TBL3: variants seen among roughly 807,000 people sequenced by gnomAD.
TBL3 encodes the protein transducin beta-like protein 3.
TBL3 carries 71 observed loss-of-function variants against 102.7 expected under a neutral mutation model. The ratio of observed to expected loss-of-function variants is 0.69; its 90% CI spans 0.57 to 0.84. TBL3 has a LOEUF of 0.84. Among genes scored for constraint, TBL3 ranks in the 40% least tolerant of loss-of-function variants. The pLI, the probability that TBL3 is intolerant of heterozygous loss-of-function variation, is 0.00. For missense variants in TBL3, 1,188 were observed against 1,098.5 expected, an observed-to-expected ratio of 1.08 and a Z score of -1.15; for synonymous variants, 578 against 477.7, an observed-to-expected ratio of 1.21 and a Z score of -2.74.
At position 1,978,916 on chromosome 16, in the gene TBL3, G is replaced by A. The variant is rs1390746339; in HGVS notation, c.*231G>A. 2 of 1,109,028 alleles carry A rather than the reference G, an allele frequency of 1.8e-6. No homozygotes were observed. The highest frequency in any genetic ancestry group is 2.5e-6 in the Non-Finnish European group (2 of 785,994). The allele number at this position is 1,109,028 out of a possible 1,614,324, so 68.7% of individuals were successfully genotyped here. On this transcript the variant is annotated 3_prime_UTR_variant, in exon 22 of 22. Transcript: ENST00000568546. ...GGCTCCGCACGCTTAGACGGTGGGGGTCATGCAGAACAAGCTTTACTCAGA... is the reference window on the plus strand; with the variant it reads ...GGCTCCGCACGCTTAGACGGTGGGGATCATGCAGAACAAGCTTTACTCAGA...
chr16:1,973,752 C>G (rs60529427), intron 1 of TBL3, among the ~76,000 whole-genome samples: 14,247 of 152,142 alleles, frequency 0.094, 1,463 homozygotes, highest in African/African-American at 0.26. Context: ...CAAGGAGCCC[C>G]CTGGCTCTCA....
At position 1,979,430 on chromosome 16, in the gene TBL3, T is replaced by C; in HGVS notation, c.*745T>C. 6.2e-7 allele frequency: 1 copy of C among 1,608,792 alleles called. No individual in the cohort carries two copies. Among genetic ancestry groups the C allele is most frequent in the Non-Finnish European group, 8.5e-7 (1 of 1,178,904 alleles). On this transcript the variant is annotated 3_prime_UTR_variant, in exon 22 of 22. Coordinates refer to ENST00000568546, the MANE Select transcript of TBL3 (RefSeq NM_006453.3). ...CCACGCCCGCTCCCGCGTACCTGCA[T>C]AGCCACCAGCCGCGGTCTGACGTTT...
Position 1,974,158 on chromosome 16 carries a change from G to C in TBL3, c.94-39G>C, listed in dbSNP as rs373680872. On this transcript the variant is annotated intron_variant, in intron 2 of 21. Transcript: ENST00000568546. ...GGCGGGCAGCCAGAGGCCGCGGGGG[G>C]TGCTGAATGTTGCCTGGCTGAGACC... 9 of 1,563,326 alleles carry C rather than the reference G, an allele frequency of 5.8e-6. No individual in the cohort carries two copies. The East Asian group carries it at 1.1e-4, about 20-fold the overall frequency.
Position 1,979,050 on chromosome 16 carries a change from G to A in TBL3, c.*365G>A. On this transcript the variant is annotated 3_prime_UTR_variant, in exon 22 of 22. Transcript: ENST00000568546. ...TCCATCCCCTCATCGGGATCCTCGC[G>A]CTCACTGCTCCGTCGTGGGGTGCGG... The A allele has an allele frequency of 1.3e-6, 2 of 1,544,272 alleles. No individual in the cohort carries two copies. Among genetic ancestry groups the A allele is most frequent in the Non-Finnish European group, 1.7e-6 (2 of 1,155,692 alleles).
chr16:1,975,184 C>T lies in TBL3; in HGVS notation c.636-3C>T, dbSNP rs755015836. On this transcript the variant is annotated splice_polypyrimidine_tract_variant and splice_region_variant and intron_variant, in intron 7 of 21. Coordinates refer to ENST00000568546, the MANE Select transcript of TBL3 (RefSeq NM_006453.3). ...TGACCTGAGGTTGCCGTTGCTCCTTCAGCTCCGGCCGTGACAAGATATGTA... is the reference window on the plus strand; with the variant it reads ...TGACCTGAGGTTGCCGTTGCTCCTTTAGCTCCGGCCGTGACAAGATATGTA... 1.9e-6 allele frequency: 3 copies of T among 1,613,836 alleles called. No homozygotes were observed. The highest frequency in any genetic ancestry group is 1.7e-5 in the Admixed American group (1 of 60,018).
rs972459105 is a variant in TBL3 at position 1,979,615 on chromosome 16, T to G, written c.*930T>G. On this transcript the variant is annotated 3_prime_UTR_variant, in exon 22 of 22. Transcript: ENST00000568546. ...GGCCCGCCCGCACCCTTCTCCACAT[T>G]CTCCTTGCTTGAGTCTGCTGACGGC... The G allele has an allele frequency of 2.9e-6, 4 of 1,401,216 alleles. No individual in the cohort carries two copies. The highest frequency in any genetic ancestry group is 2.0e-6 in the Non-Finnish European group (2 of 1,008,864). 86.8% of individuals were successfully genotyped at this position (1,401,216 alleles called of 1,614,324 possible).
At chr16:1,972,947 G>T (rs1376540837) in intron 1 of TBL3, among the ~76,000 whole-genome samples, 1 of 152,202 alleles carries the variant, frequency 6.6e-6, no homozygotes, top group African/African-American at 2.4e-5. Context: ...ATAGGGGGAA[G>T]ATAGGAAACC....
rs755737441 is a variant in TBL3, at chr16:1,979,481, G to T, written c.*796G>T. The T allele has an allele frequency of 1.2e-6, 2 of 1,611,916 alleles. No individual in the cohort carries two copies. Among genetic ancestry groups the T allele is most frequent in the East Asian group, 2.2e-5 (1 of 44,862 alleles). ...CCAACACGCGCACGCGCGCCCCCGC[G>T]GGCACGGACAGCTCATCTGCGCGGC... On this transcript the variant is annotated 3_prime_UTR_variant, in exon 22 of 22. Transcript: ENST00000568546.
chr16:1,976,870 C>T lies in TBL3; in HGVS notation c.1349C>T (p.Pro450Leu), dbSNP rs17603. 459 of 1,613,946 alleles carry T rather than the reference C, an allele frequency of 2.8e-4. 8 individuals carry two copies. The South Asian group carries it at 4.9e-3, about 17-fold the overall frequency. Reference protein sequence around the residue: ...GSQDCTVKLWPLPKALLSKNT... With the variant: ...GSQDCTVKLWLLPKALLSKNT... The stretch of plus-strand genomic sequence containing the variant: ...CAGGACTGCACTGTGAAGCTGTGGC[C>T]TCTTCCCAAAGCCTTGCTGTCCAAG... The change falls in exon 14 of 22, where the codon CCT (proline) becomes CTT (leucine). Residue 450 changes from proline (P) to leucine (L), a missense_variant. Transcript: ENST00000568546.
At position 1,979,025 on chromosome 16, in the gene TBL3, T is replaced by C; in HGVS notation, c.*340T>C. 1 of 1,529,102 alleles carries C rather than the reference T, an allele frequency of 6.5e-7. No individual in the cohort carries two copies. Among genetic ancestry groups the C allele is most frequent in the Non-Finnish European group, 8.7e-7 (1 of 1,145,782 alleles). The allele number at this position is 1,529,102 out of a possible 1,614,324, so 94.7% of individuals were successfully genotyped here. On this transcript the variant is annotated 3_prime_UTR_variant, in exon 22 of 22. Transcript: ENST00000568546. Reference sequence around the variant, plus strand: ...CCTCCCCAGCCCTGGGATGGCGCGGTCCATCCCCTCATCGGGATCCTCGCG... The same window carrying C: ...CCTCCCCAGCCCTGGGATGGCGCGGCCCATCCCCTCATCGGGATCCTCGCG...
rs1360759601 is a variant in TBL3, at chr16:1,980,496, C to T, written c.*1811C>T. The T allele has an allele frequency of 6.2e-7, 1 of 1,602,662 alleles. No individual in the cohort carries two copies. The highest frequency in any genetic ancestry group is 8.5e-7 in the Non-Finnish European group (1 of 1,179,490). On this transcript the variant is annotated 3_prime_UTR_variant, in exon 22 of 22. Transcript: ENST00000568546. ...AGAATAGGTTTCCAACAGCTGCAGG[C>T]GCGCCAGGCCGCGGCTCGTGCGCCC...
intron 1 of TBL3, among the ~76,000 whole-genome samples, chr16:1,973,475 G>A (rs530150052): frequency 5.2e-4 from 79 of 152,144 alleles, no homozygotes; most frequent in Non-Finnish European, 8.5e-4. Context: ...GTAGGTAGGG[G>A]GTCCAGTGAA....
intron 16 of TBL3, 42 bp downstream of exon 16, chr16:1,977,468 C>CAGTGGGGGGGGGGGGGGG: frequency 1.8e-6 from 1 of 568,464 alleles, no homozygotes; most frequent in Non-Finnish European, 3.1e-6. Context: ...TGGGGGGTGG[C>CAGTGGGGGGGGGGGGGGG]GGGGGGACCT....
chr16:1,978,698 C>G lies in TBL3; in HGVS notation c.*13C>G. 1.2e-6 allele frequency: 2 copies of G among 1,601,780 alleles called. No homozygotes were observed. Among genetic ancestry groups the G allele is most frequent in the Non-Finnish European group, 1.7e-6 (2 of 1,171,396 alleles). On this transcript the variant is annotated 3_prime_UTR_variant, in exon 22 of 22. Coordinates refer to ENST00000568546, the MANE Select transcript of TBL3 (RefSeq NM_006453.3). Reference sequence around the variant, plus strand: ...CGCACTGCCCTAGCCGGTCCGGCCTCTCTCCAGTCCATCCTGAACCCCTGG... The same window carrying G: ...CGCACTGCCCTAGCCGGTCCGGCCTGTCTCCAGTCCATCCTGAACCCCTGG...
chr16:1,978,076 C>G lies in TBL3; in HGVS notation c.2062+15C>G, dbSNP rs1027565352. On this transcript the variant is annotated intron_variant, in intron 19 of 21. Transcript: ENST00000568546. ...TGTCATCCAGGGTCAGTGCCCACCC[C>G]GGGGGGCGAGGGGCTGGGTCTTCGG... is the stretch of plus-strand genomic sequence containing the variant. 1.1e-5 allele frequency: 18 copies of G among 1,603,996 alleles called. No homozygotes were observed. The highest frequency in any genetic ancestry group is 1.7e-5 in the Admixed American group (1 of 59,368).
intron 13 of TBL3, 110 bp from the exon 14 acceptor site, chr16:1,976,704 G>T (rs1473640600): frequency 1.5e-6 from 2 of 1,375,318 alleles, no homozygotes; most frequent in East Asian, 2.4e-5. Flanking sequence ...CGCATCCTGG[G>T]ACAGGCCCCG....
rs1399635466 is a variant in TBL3, at chr16:1,978,885, G to A, written c.*200G>A. The A allele has an allele frequency of 9.3e-7, 1 of 1,071,242 alleles. No individual in the cohort carries two copies. Among genetic ancestry groups the A allele is most frequent in the African/African-American group, 1.6e-5 (1 of 62,484 alleles). The allele number at this position is 1,071,242 out of a possible 1,614,324, so 66.4% of individuals were successfully genotyped here. A position where few individuals can be genotyped will look rare whatever the true frequency, so the allele number is the denominator to read the frequency against. ...CGCACCCTGGCCTGGCAGAGATCCAGCCCGCGGCTCCGCACGCTTAGACGG... is the reference window on the plus strand; with the variant it reads ...CGCACCCTGGCCTGGCAGAGATCCAACCCGCGGCTCCGCACGCTTAGACGG... On this transcript the variant is annotated 3_prime_UTR_variant, in exon 22 of 22. Coordinates refer to ENST00000568546, the MANE Select transcript of TBL3 (RefSeq NM_006453.3).
In TBL3 at chr16:1,974,105, C is replaced by G; in HGVS notation, c.91C>G (p.Gln31Glu). 1 of 1,585,946 alleles carries G rather than the reference C, an allele frequency of 6.3e-7. No homozygotes were observed. Among genetic ancestry groups the G allele is most frequent in the Non-Finnish European group, 8.6e-7 (1 of 1,160,894 alleles). ...GCCTTTCTACAAGGGCGGAAAAGCA[C>G]AGGTACCAGCCTGGGGAAGGGCAGT... is the stretch of plus-strand genomic sequence containing the variant. Reference protein sequence around the residue: ...IEPFYKGGKAQLDQTGQHLFC... With the variant: ...IEPFYKGGKAELDQTGQHLFC... The change falls in exon 2 of 22, where the codon CAG (glutamine) becomes GAG (glutamate). Residue 31 changes from glutamine to glutamate, a missense_variant and splice_region_variant. By Grantham distance (29) the Gln-to-Glu change is conservative. Coordinates refer to ENST00000568546, the MANE Select transcript of TBL3 (RefSeq NM_006453.3).
chr16:1,973,728 G>A (rs72764901), intron 1 of TBL3, among the ~76,000 whole-genome samples: 3,205 of 152,252 alleles, frequency 0.021, 46 homozygotes, highest in Non-Finnish European at 0.032. Context: ...ACCCACCGCC[G>A]GCAGGGGTGT....
Sources: allele counts gnomAD v4.1 joint callset (sites outside exome capture counted in the v4.1 genomes callset), GRCh38; gene constraint gnomAD v4.1.1; transcripts MANE v1.5; gene names NCBI Gene and HGNC (gene_info 2026-07-23, HGNC 2026-07-21).